Variants in XPNPEP2 observed in about 807,000 individuals in gnomAD.
XPNPEP2 encodes the protein X-prolyl aminopeptidase 2.
XPNPEP2 carries 64 observed loss-of-function variants against 59.8 expected under a neutral mutation model. The ratio of observed to expected loss-of-function variants is 1.07; its 90% CI spans 0.87 to 1.32. The LOEUF (loss-of-function observed/expected upper bound fraction) is 1.32. XPNPEP2 is among the 40% of genes most tolerant of loss of function. The pLI is 0.00. For missense variants in XPNPEP2, 575 were observed against 546.8 expected, an observed-to-expected ratio of 1.05 and a Z score of -0.51; for synonymous variants, 235 against 210.0, an observed-to-expected ratio of 1.12 and a Z score of -1.03.
intron 19 of XPNPEP2, among the ~76,000 whole-genome samples, chrX:129,764,421 C>A: frequency 9.1e-6 from 1 of 109,775 alleles, no homozygotes; most frequent in Middle Eastern, 4.7e-3. Context: ...TTTGGAAGGC[C>A]GAGGCTGGTG....
chrX:129,759,053 C>A, intron 14 of XPNPEP2, 127 bp from the exon 15 acceptor site: 2 of 732,693 alleles, frequency 2.7e-6, no homozygotes, highest in Non-Finnish European at 2.1e-6. Flanking sequence ...ATTATGGTAG[C>A]TGTCTTCTTC....
At chrX:129,767,516 G>A (rs955329980) in intron 19 of XPNPEP2, 87 bp from the exon 20 acceptor site, 20 of 956,566 alleles carry the variant, frequency 2.1e-5, no homozygotes, top group Non-Finnish European at 2.7e-5. Flanking sequence ...TGTGTCCTCC[G>A]GGTGGAGTGC....
chrX:129,768,401 C>T lies in XPNPEP2; in HGVS notation c.1941C>T (p.Pro647=), dbSNP rs1273499733. ...AGTGGCTTCAACAGCACACAGAGCC[C>T]CTGGCCGCCAGGGCCCCAGACACCG... The part of the protein sequence containing the change: ...EFEWLQQHTE[P]LAARAPDTAS... Residue 647 remains proline, a synonymous_variant, in exon 21 of 21, where the codon CCC becomes CCT. Transcript: ENST00000371106. 1 of 1,209,642 alleles carries T rather than the reference C, an allele frequency of 8.3e-7. No homozygotes were observed. The highest frequency in any genetic ancestry group is 2.2e-5 in the Admixed American group (1 of 45,710).
chrX:129,762,071 G>A lies in XPNPEP2; in HGVS notation c.1663+6G>A, dbSNP rs890428039. ...GGGCATGTTCACTTCCATTGGTATGGCCCTCAGGCCCCTCTACCTCACCAC... is the reference window on the plus strand; with the variant it reads ...GGGCATGTTCACTTCCATTGGTATGACCCTCAGGCCCCTCTACCTCACCAC... On this transcript the variant is annotated splice_donor_region_variant and intron_variant, in intron 18 of 20. Coordinates refer to ENST00000371106, the MANE Select transcript of XPNPEP2 (RefSeq NM_003399.6). The A allele has an allele frequency of 5.0e-6, 6 of 1,208,849 alleles. No homozygotes were observed. In the African/African-American group the frequency reaches 1.0e-4, roughly 21 times the overall value.
intron 3 of XPNPEP2, among the ~76,000 whole-genome samples, chrX:129,744,871 C>G (rs1251305207): frequency 8.9e-6 from 1 of 111,992 alleles, no homozygotes; most frequent in Non-Finnish European, 1.9e-5. Context: ...CCAAACGAGC[C>G]AAAAGACAGG....
intron 10 of XPNPEP2, 113 bp from the exon 11 acceptor site, chrX:129,753,046 G>T (rs1368576133): frequency 3.4e-6 from 2 of 583,264 alleles, no homozygotes; most frequent in Non-Finnish European, 5.8e-6. Flanking sequence ...TCTCACGTCT[G>T]CTGGGTCCTC....
intron 14 of XPNPEP2, among the ~76,000 whole-genome samples, chrX:129,757,061 TATACACACAC>T (rs1324846007): frequency 1.2e-5 from 1 of 85,682 alleles, no homozygotes; most frequent in Non-Finnish European, 2.1e-5. Flanking sequence ...CACACATATA[TATACACACAC>T]ATACACACAC....
Position 129,752,212 on chromosome X carries a change from C to A in XPNPEP2, c.884C>A (p.Thr295Lys), listed in dbSNP as rs775492531. The A allele has an allele frequency of 2.5e-6, 3 of 1,210,340 alleles. No homozygotes were observed. The South Asian group carries it at 5.3e-5, about 21-fold the overall frequency. ...ETLSYLNSSC[T>K]GPMCVQIEDY... Reference sequence around the variant, plus strand: ...TTGAGCTATCTGAACTCCAGTTGCACAGGCCCCATGTGTGTGCAAATCGAG... The same window carrying A: ...TTGAGCTATCTGAACTCCAGTTGCAAAGGCCCCATGTGTGTGCAAATCGAG... The change falls in exon 10 of 21, where the codon ACA becomes AAA. Residue 295 changes from threonine (T) to lysine (K), a missense_variant. Coordinates refer to ENST00000371106, the MANE Select transcript of XPNPEP2 (RefSeq NM_003399.6).
At position 129,739,274 on chromosome X, in the gene XPNPEP2, C is replaced by T. The variant is rs762227778; in HGVS notation, c.49+12C>T. ...GGTCCTCCTCTGTGGTATGTGCATC[C>T]TAGCTTCCACTGGAAGGCAGCTCTG... On this transcript the variant is annotated intron_variant, in intron 1 of 20. Coordinates refer to ENST00000371106, the MANE Select transcript of XPNPEP2 (RefSeq NM_003399.6). 8.3e-7 allele frequency: 1 copy of T among 1,207,135 alleles called. No individual in the cohort carries two copies. Among genetic ancestry groups the T allele is most frequent in the Non-Finnish European group, 1.1e-6 (1 of 894,121 alleles).
intron 19 of XPNPEP2, among the ~76,000 whole-genome samples, chrX:129,767,262 C>T (rs955362512): frequency 9.8e-5 from 11 of 112,215 alleles, no homozygotes; most frequent in Admixed American, 2.8e-4. Flanking sequence ...GGGCCCTGCC[C>T]TAAGGATTCT....
chrX:129,755,159 G>T (rs1298386408), intron 12 of XPNPEP2, 135 bp from the exon 13 acceptor site: 12 of 550,704 alleles, frequency 2.2e-5, no homozygotes, highest in Non-Finnish European at 3.3e-5. Flanking sequence ...CAGGAGGTGA[G>T]GGCTGGGAGA....
At chrX:129,755,901 C>T (rs765453897) in intron 13 of XPNPEP2, among the ~76,000 whole-genome samples, 38 of 112,798 alleles carry the variant, frequency 3.4e-4, no homozygotes, top group Non-Finnish European at 6.0e-4. Context: ...GTGTCTCCCA[C>T]GCCTTCGGCT....
intron 18 of XPNPEP2, 124 bp downstream of exon 18, chrX:129,762,189 C>A: frequency 1.4e-6 from 1 of 708,676 alleles, no homozygotes; most frequent in Non-Finnish European, 2.2e-6. Flanking sequence ...TCGGGACTCA[C>A]CTCCCCATTC....
chrX:129,750,249 A>T (rs1926366006), intron 7 of XPNPEP2, among the ~76,000 whole-genome samples: 1 of 112,760 alleles, frequency 8.9e-6, no homozygotes, highest in Non-Finnish European at 1.9e-5. Context: ...AATTTGCCCA[A>T]GGTCACCCAT....
intron 7 of XPNPEP2, among the ~76,000 whole-genome samples, chrX:129,749,680 T>G (rs1360994166): frequency 1.8e-5 from 2 of 113,056 alleles, no homozygotes; most frequent in Non-Finnish European, 3.7e-5. Flanking sequence ...ACTAAAGTCA[T>G]AGAACCCAGA....
chrX:129,745,628 A>G (rs1926279044), intron 4 of XPNPEP2, among the ~76,000 whole-genome samples: 1 of 111,645 alleles, frequency 9.0e-6, no homozygotes, highest in African/African-American at 3.3e-5. Context: ...TCATTTGGAG[A>G]CAAAGTTTTC....
At chrX:129,739,932 G>A (rs935200674) in intron 1 of XPNPEP2, among the ~76,000 whole-genome samples, 1 of 112,212 alleles carries the variant, frequency 8.9e-6, no homozygotes, top group Admixed American at 9.3e-5. Flanking sequence ...CCAGCCCAGC[G>A]CTCCCACCCT....
chrX:129,768,314 C>T lies in XPNPEP2; in HGVS notation c.1854C>T (p.Tyr618=), dbSNP rs142912864. The T allele has an allele frequency of 4.0e-5, 48 of 1,189,572 alleles. No homozygotes were observed. In the Middle Eastern group the frequency reaches 7.0e-4, roughly 17 times the overall value. ...AGCTCCAGTACCTGAATCGCTACTACCAGACCATCCGGGAGAAGGTGGGTC... is the reference window on the plus strand; with the variant it reads ...AGCTCCAGTACCTGAATCGCTACTATCAGACCATCCGGGAGAAGGTGGGTC... The part of the protein sequence containing the change: ...PEHLQYLNRY[Y]QTIREKVGPE... The change falls in exon 21 of 21, where the codon TAC becomes TAT. Residue 618 remains tyrosine (Y), a synonymous_variant. Transcript: ENST00000371106.
In XPNPEP2 at chrX:129,752,117, T is replaced by G. The variant is rs1926430699; in HGVS notation, c.822-33T>G. On this transcript the variant is annotated intron_variant, in intron 9 of 20. Transcript: ENST00000371106. ...GGTCCTTTGCATCCTTAGCAGATGC[T>G]CAGGACCCTCCTTGTCTTCCCACCC... The G allele has an allele frequency of 3.3e-6, 4 of 1,194,878 alleles. No individual in the cohort carries two copies. The East Asian group carries it at 1.2e-4, about 35-fold the overall frequency.
Sources: gnomAD v4.1 joint callset for allele counts (sites outside exome capture counted in the v4.1 genomes callset) on GRCh38, gnomAD v4.1.1 for gene constraint, MANE v1.5 for transcripts, NCBI Gene and HGNC (gene_info 2026-07-23, HGNC 2026-07-21) for gene names.